The following TESPA1 variants were observed in gnomAD, a reference collection of about 807,000 sequenced individuals.
TESPA1 encodes the protein thymocyte expressed, positive selection associated 1.
TESPA1 carries 33 observed loss-of-function variants against 57.9 expected under a neutral mutation model. That is an observed-to-expected ratio of 0.57 (90% CI 0.43 to 0.76). TESPA1 has a LOEUF of 0.76. TESPA1 is among the 30% of genes least tolerant of loss of function. TESPA1 has a pLI of 0.00. For synonymous variants in TESPA1, 227 were observed against 228.9 expected, an observed-to-expected ratio of 0.99 and a Z score of 0.07; for missense variants, 618 against 632.9, an observed-to-expected ratio of 0.98 and a Z score of 0.25.
In TESPA1 at chr12:54,962,559, G is replaced by A. The variant is rs1321185573; in HGVS notation, c.1339C>T (p.Leu447Phe). 6.2e-7 allele frequency: 1 copy of A among 1,613,950 alleles called. No homozygotes were observed. Residue 447 changes from leucine to phenylalanine, a missense_variant, in exon 9 of 11, where the codon CTC becomes TTC. Physicochemically the swap from Leu to Phe is conservative, Grantham distance 22. Transcript: ENST00000449076. ...AAGGACTTAACCTTCCTGCCCATGA[G>A]ATTCTTCTGGAAGAGGCTCTTTCTT... ...RARKSLFQKNLMGRKVKSLDL... is the reference protein window; with the variant it reads ...RARKSLFQKNFMGRKVKSLDL...
At chr12:54,984,337 A>C (rs1483693523) in intron 1 of TESPA1, among the ~76,000 whole-genome samples, 26 of 152,242 alleles carry the variant, frequency 1.7e-4, no homozygotes. Context: ...CCAAGTTTTG[A>C]GAATCTAGAA....
chr12:54,971,681 G>T (rs1004270011), intron 3 of TESPA1, among the ~76,000 whole-genome samples: 23 of 151,848 alleles, frequency 1.5e-4, no homozygotes, highest in African/African-American at 5.3e-4. Context: ...TAAACATTTT[G>T]CCATATTTGC....
At chr12:54,972,073 G>A (rs1316343711) in intron 3 of TESPA1, among the ~76,000 whole-genome samples, 1 of 152,156 alleles carries the variant, frequency 6.6e-6, no homozygotes, top group African/African-American at 2.4e-5. Flanking sequence ...ACAGTGAACA[G>A]AATTTAAGTT....
At chr12:54,972,322 C>A (rs1272521396) in intron 3 of TESPA1, among the ~76,000 whole-genome samples, 1 of 152,152 alleles carries the variant, frequency 6.6e-6, no homozygotes, top group Non-Finnish European at 1.5e-5. Flanking sequence ...CTACTTGGCA[C>A]CCCTCTAGGT....
intron 3 of TESPA1, among the ~76,000 whole-genome samples, chr12:54,970,038 T>A (rs1364285494): frequency 1.3e-5 from 2 of 152,204 alleles, no homozygotes; most frequent in Non-Finnish European, 2.9e-5. Context: ...GAGAGCCTCC[T>A]GCCTCAATCT....
At chr12:54,969,829 G>A (rs75205196) in intron 3 of TESPA1, among the ~76,000 whole-genome samples, 2,447 of 152,272 alleles carry the variant, frequency 0.016, 53 homozygotes, top group African/African-American at 0.055. Flanking sequence ...TGAACGAAAC[G>A]GACGGAAAGG....
Position 54,949,383 on chromosome 12 carries a change from T to C in TESPA1, c.*1009A>G, listed in dbSNP as rs1233569378. The C allele has an allele frequency of 8.5e-5, 1 of 11,828 alleles. No individual in the cohort carries two copies. Among genetic ancestry groups the C allele is most frequent in the Non-Finnish European group, 2.2e-4 (1 of 4,542 alleles). The allele number at this position is 11,828 out of a possible 1,614,324, so 0.7% of individuals were successfully genotyped here. Reference sequence around the variant, plus strand: ...CCCTCAAGTCCCTCTCTTCCTGTTTTTTTTTTTTTTTTCTTTTGTCTCACA... The same window carrying C: ...CCCTCAAGTCCCTCTCTTCCTGTTTCTTTTTTTTTTTTCTTTTGTCTCACA... On this transcript the variant is annotated 3_prime_UTR_variant, in exon 11 of 11. Transcript: ENST00000449076.
intron 8 of TESPA1, 122 bp downstream of exon 8, chr12:54,963,620 T>A: frequency 4.6e-6 from 5 of 1,087,658 alleles, no homozygotes; most frequent in Non-Finnish European, 6.6e-6. Flanking sequence ...TAAGAGGAAA[T>A]AGACACAATA....
At chr12:54,979,436 G>A (rs997323051) in intron 1 of TESPA1, among the ~76,000 whole-genome samples, 5 of 152,062 alleles carry the variant, frequency 3.3e-5, no homozygotes, top group African/African-American at 9.7e-5. Context: ...GCCTGAATCC[G>A]CCCAAACCCT....
At chr12:54,957,368 T>C (rs1204799614) in intron 10 of TESPA1, among the ~76,000 whole-genome samples, 2 of 152,164 alleles carry the variant, frequency 1.3e-5, no homozygotes, top group African/African-American at 4.8e-5. Context: ...AGGAAATAAT[T>C]ACAGACTCTG....
At chr12:54,957,026 C>T (rs760026681) in intron 10 of TESPA1, among the ~76,000 whole-genome samples, 2 of 152,186 alleles carry the variant, frequency 1.3e-5, no homozygotes, top group Non-Finnish European at 2.9e-5. Flanking sequence ...GGTTAAGGTT[C>T]CAATATACCA....
At chr12:54,958,039 T>G (rs868285388) in intron 10 of TESPA1, among the ~76,000 whole-genome samples, 1 of 152,302 alleles carries the variant, frequency 6.6e-6, no homozygotes, top group African/African-American at 2.4e-5. Context: ...GTACTTGAAA[T>G]GTATGACTCC....
At chr12:54,976,997 C>T (rs1268617861) in intron 1 of TESPA1, among the ~76,000 whole-genome samples, 1 of 152,052 alleles carries the variant, frequency 6.6e-6, no homozygotes, top group Non-Finnish European at 1.5e-5. Flanking sequence ...TCTTAACCAG[C>T]GTCCTCCATG....
intron 10 of TESPA1, among the ~76,000 whole-genome samples, chr12:54,959,554 C>T (rs1443796791): frequency 6.6e-6 from 1 of 152,194 alleles, no homozygotes; most frequent in Non-Finnish European, 1.5e-5. Context: ...CAGACTGGTC[C>T]ATGCTGAGCA....
At chr12:54,970,591 A>G (rs1951770809) in intron 3 of TESPA1, among the ~76,000 whole-genome samples, 1 of 152,208 alleles carries the variant, frequency 6.6e-6, no homozygotes, top group Non-Finnish European at 1.5e-5. Context: ...ACCGAGCACA[A>G]TGATTTGAGA....
intron 1 of TESPA1, among the ~76,000 whole-genome samples, chr12:54,983,081 A>C (rs2136221656): frequency 6.6e-6 from 1 of 152,298 alleles, no homozygotes; most frequent in Admixed American, 6.5e-5. Context: ...GTAGCCCAGA[A>C]GGAATCTTGT....
In TESPA1 at chr12:54,958,500, G is replaced by T. The variant is rs554196145; in HGVS notation, c.*1+2668C>A. ...GGTGTAGATTTTTGCGTTTTTTTGT[G>T]CGTGTGTTTATTCTTTTCGGTGTTC... is the stretch of plus-strand genomic sequence containing the variant. On this transcript the variant is annotated intron_variant, in intron 10 of 10. Transcript: ENST00000449076. Among the ~76,000 whole-genome samples the T allele has an allele frequency of 1.3e-4, 17 of 133,390 alleles. No homozygotes were observed. In the East Asian group the frequency reaches 1.4e-3, roughly 11 times the overall value. 87.5% of individuals were successfully genotyped at this position (133,390 alleles called of 152,430 possible).
At chr12:54,966,029 A>G (rs769259650) in intron 7 of TESPA1, 24 bp downstream of exon 7, 2 of 1,555,088 alleles carry the variant, frequency 1.3e-6, no homozygotes, top group South Asian at 2.4e-5. Context: ...CCACCCTTCC[A>G]CCCTGCCAAA....
At chr12:54,976,034 C>CT (rs1952124251) in intron 1 of TESPA1, among the ~76,000 whole-genome samples, 1 of 152,182 alleles carries the variant, frequency 6.6e-6, no homozygotes, top group Non-Finnish European at 1.5e-5. Flanking sequence ...GCACGTGGCT[C>CT]TTTGTCTACT....
Sources: allele counts gnomAD v4.1 joint callset (sites outside exome capture counted in the v4.1 genomes callset), GRCh38; gene constraint gnomAD v4.1.1; transcripts MANE v1.5; gene names NCBI Gene and HGNC (gene_info 2026-07-23, HGNC 2026-07-21).